Variants in CACNA1C observed in about 807,000 individuals in gnomAD.
The protein encoded by CACNA1C is voltage-dependent L-type calcium channel subunit alpha-1C.
Under a neutral mutation model 229.0 loss-of-function variants are expected in CACNA1C, and 30 were observed. That is an observed-to-expected ratio of 0.13 (90% confidence interval 0.10 to 0.18). The LOEUF (loss-of-function observed/expected upper bound fraction) is 0.18. Ranked by LOEUF, CACNA1C falls within the 10% of genes least tolerant of loss-of-function variation. The pLI is 1.00. For missense variants in CACNA1C, 1,658 were observed against 2,845.0 expected, an observed-to-expected ratio of 0.58 and a Z score of 9.49; for synonymous variants, 1,114 against 1,132.5, an observed-to-expected ratio of 0.98 and a Z score of 0.33.
intron 1 of CACNA1C, among the ~76,000 whole-genome samples, chr12:1,999,983 T>C (rs2041818881): frequency 6.6e-6 from 1 of 152,108 alleles, no homozygotes; most frequent in Non-Finnish European, 1.5e-5. Flanking sequence ...AAAACAAACA[T>C]GGTTAATTCC....
At chr12:2,550,509 G>A (rs1181309893) in intron 10 of CACNA1C, 3 of 1,338,726 alleles carry the variant, frequency 2.2e-6, no homozygotes, top group South Asian at 1.2e-5. Context: ...TGACTGGCAT[G>A]TGGGTCCTTA....
chr12:2,515,084 T>C (rs1568158638), intron 9 of CACNA1C, among the ~76,000 whole-genome samples: 1 of 152,212 alleles, frequency 6.6e-6, no homozygotes, highest in African/African-American at 2.4e-5. Flanking sequence ...GGAGGAGCCC[T>C]GGGGGTCTGT....
rs920916453 is a variant in CACNA1C, at chr12:2,488,979, C to T, written c.916+2717C>T. ...AGTGCAGACAAGGAGGGAAAATACG[C>T]GAGAACCCAGACATGTCTGTGCAGC... On this transcript the variant is annotated intron_variant, in intron 6 of 46. Transcript: ENST00000399655. This position sits in a 1 kb window ranked among gnomAD's most constrained non-coding sequence, Gnocchi z 4.0. Among the ~76,000 whole-genome samples the T allele has an allele frequency of 7.9e-5, 12 of 152,310 alleles. No homozygotes were observed. The highest frequency in any genetic ancestry group is 2.1e-4 in the South Asian group (1 of 4,820).
intron 13 of CACNA1C, among the ~76,000 whole-genome samples, chr12:2,573,570 T>C (rs2057245130): frequency 6.6e-6 from 1 of 152,252 alleles, no homozygotes; most frequent in East Asian, 1.9e-4. Flanking sequence ...CATGGATCCC[T>C]TTCTAGAATT....
chr12:2,569,420 C>T (rs1365465894), intron 13 of CACNA1C, among the ~76,000 whole-genome samples: 1 of 152,166 alleles, frequency 6.6e-6, no homozygotes, highest in Non-Finnish European at 1.5e-5. Context: ...AGAACATTTT[C>T]ATCACCCCAG....
chr12:2,639,827 A>C lies in CACNA1C; in HGVS notation c.3912+5447A>C, dbSNP rs533908242. 8.5e-5 allele frequency among the ~76,000 whole-genome samples: 13 copies of C among 152,238 alleles called. No homozygotes were observed. The highest frequency in any genetic ancestry group is 1.3e-4 in the Non-Finnish European group (9 of 67,986). ...CAGTGCTGAAGGGCAGCAAGGGAGG[A>C]CAGGCTCCCTTGGCTTTGGTGGAGC... On this transcript the variant is annotated intron_variant, in intron 30 of 46. Transcript: ENST00000399655. This position sits in a 1 kb window ranked among gnomAD's most constrained non-coding sequence, Gnocchi z 4.2.
chr12:2,105,635 C>G (rs2078026643), intron 1 of CACNA1C, among the ~76,000 whole-genome samples: 1 of 110,110 alleles, frequency 9.1e-6, no homozygotes, highest in Non-Finnish European at 2.1e-5. Flanking sequence ...GGTGCCCACC[C>G]CGGGGAGGGT....
In CACNA1C at chr12:2,143,130, C is replaced by G. The variant is rs541610364; in HGVS notation, c.477+22700C>G. Reference sequence around the variant, plus strand: ...AGCTGAGATTACAGGTGCCTGCCACCATGCCCGGCTAAGTTTTGTATTTTT... The same window carrying G: ...AGCTGAGATTACAGGTGCCTGCCACGATGCCCGGCTAAGTTTTGTATTTTT... On this transcript the variant is annotated intron_variant, in intron 3 of 46. Coordinates refer to ENST00000399655, the MANE Select transcript of CACNA1C (RefSeq NM_000719.7). 6.7e-4 allele frequency among the ~76,000 whole-genome samples: 101 copies of G among 151,152 alleles called. 4 individuals are homozygous for G. Among genetic ancestry groups the G allele is most frequent in the Non-Finnish European group, 5.0e-4 (34 of 67,526 alleles).
At chr12:2,101,672 G>A (rs753551411) in intron 1 of CACNA1C, among the ~76,000 whole-genome samples, 2 of 152,158 alleles carry the variant, frequency 1.3e-5, no homozygotes, top group Non-Finnish European at 2.9e-5. Context: ...AGCAGGTCCT[G>A]CCGGTTCCCA....
intron 3 of CACNA1C, among the ~76,000 whole-genome samples, chr12:2,448,085 A>G (rs567683246): frequency 6.6e-6 from 1 of 152,318 alleles, no homozygotes; most frequent in South Asian, 2.1e-4. Context: ...GGGAGAAAGC[A>G]ATTAGTGGCG....
chr12:2,416,707 T>G (rs1037413709), intron 3 of CACNA1C, among the ~76,000 whole-genome samples: 2 of 152,178 alleles, frequency 1.3e-5, no homozygotes, highest in African/African-American at 4.8e-5. Flanking sequence ...AACGTCTCCA[T>G]CAGAAGTGGG....
intron 3 of CACNA1C, among the ~76,000 whole-genome samples, chr12:2,301,193 G>A (rs915533134): frequency 6.6e-6 from 1 of 152,206 alleles, no homozygotes; most frequent in Non-Finnish European, 1.5e-5. Context: ...GATGGTGGTT[G>A]GGTGGGGTGT....
intron 10 of CACNA1C, among the ~76,000 whole-genome samples, chr12:2,554,970 A>G (rs989428695): frequency 2.0e-5 from 3 of 152,366 alleles, no homozygotes; most frequent in Middle Eastern, 3.4e-3. Context: ...TCTGCTCACA[A>G]TCCCGGAGGA....
In CACNA1C at chr12:2,689,642, C is replaced by T. The variant is rs907775821; in HGVS notation, c.6117+863C>T. Among the ~76,000 whole-genome samples, 6 of 151,992 alleles carry T rather than the reference C, an allele frequency of 3.9e-5. No individual in the cohort carries two copies. Among genetic ancestry groups the T allele is most frequent in the Admixed American group, 1.3e-4 (2 of 15,262 alleles). On this transcript the variant is annotated intron_variant, in intron 46 of 46. Transcript: ENST00000399655. The surrounding 1 kb of genome is among the most constrained non-coding windows in gnomAD (Gnocchi z 4.2). The stretch of plus-strand genomic sequence containing the variant: ...CTCATCCGGGCGTCAGGCTGTGGTG[C>T]AGGAGGTGGGGCGTTAAACCAGGTG...
At chr12:2,317,458 G>A (rs1160008002) in intron 3 of CACNA1C, among the ~76,000 whole-genome samples, 2 of 152,194 alleles carry the variant, frequency 1.3e-5, no homozygotes, top group Non-Finnish European at 2.9e-5. Context: ...AATTTATAGA[G>A]ATGGGAAGCA....
intron 3 of CACNA1C, among the ~76,000 whole-genome samples, chr12:2,435,971 C>G (rs916665497): frequency 6.6e-6 from 1 of 152,194 alleles, no homozygotes; most frequent in African/African-American, 2.4e-5. Flanking sequence ...CTGGGCAAGC[C>G]AAAGCACCCT....
intron 13 of CACNA1C, among the ~76,000 whole-genome samples, chr12:2,572,331 TTCTCTTCTTC>T (rs2055179046): frequency 1.4e-5 from 1 of 69,200 alleles, no homozygotes. Context: ...TTCCTCCTCC[TTCTCTTCTTC>T]CTCCTCCTCC....
chr12:2,128,716 A>C (rs138966052), intron 3 of CACNA1C, among the ~76,000 whole-genome samples: 2,283 of 152,300 alleles, frequency 0.015, 29 homozygotes, highest in African/African-American at 0.031. Flanking sequence ...CGGCCAGGTA[A>C]ATACATTATT....
chr12:2,219,196 C>T (rs976040593), intron 3 of CACNA1C, among the ~76,000 whole-genome samples: 1 of 152,196 alleles, frequency 6.6e-6, no homozygotes, highest in African/African-American at 2.4e-5. Context: ...TGGAGCTCTG[C>T]CCTGGTGCAT....
Sources: allele counts gnomAD v4.1 joint callset (sites outside exome capture counted in the v4.1 genomes callset), GRCh38; gene constraint gnomAD v4.1.1; non-coding constraint Gnocchi (gnomAD v3.1); transcripts MANE v1.5; gene names NCBI Gene and HGNC (gene_info 2026-07-23, HGNC 2026-07-21).